ACSM3: variants seen among roughly 807,000 people sequenced by gnomAD.
ACSM3 encodes the protein acyl-coenzyme A synthetase ACSM3, mitochondrial.
In ACSM3, 61 loss-of-function variants were observed where a neutral mutation model predicts 74.1. The ratio of observed to expected loss-of-function variants is 0.82; its 90% CI spans 0.67 to 1.02. The LOEUF (loss-of-function observed/expected upper bound fraction) is 1.02, where lower values mean the gene tolerates loss of function less well. Among genes scored for constraint, ACSM3 ranks in the 50% least tolerant of loss-of-function variants. ACSM3 has a pLI of 0.00. For missense variants in ACSM3, 660 were observed against 697.0 expected (o/e 0.95, Z 0.60); for synonymous variants, 213 against 241.5 (o/e 0.88, Z 1.09).
At chr16:20,738,356 T>C (rs2079889382) in intron 1 of ACSM3, 2 of 394,420 alleles carry the variant, frequency 5.1e-6, no homozygotes, top group Non-Finnish European at 9.9e-6. Context: ...AAAGATGTAA[T>C]TAATCCATTA....
intron 1 of ACSM3, among the ~76,000 whole-genome samples, chr16:20,747,194 C>A (rs2079961480): frequency 6.6e-6 from 1 of 152,150 alleles, no homozygotes; most frequent in Non-Finnish European, 1.5e-5. Flanking sequence ...GGATGGGTTC[C>A]AGAGCCTCTC....
At chr16:20,735,996 T>C (rs2079865712) in intron 1 of ACSM3, 1 of 152,226 alleles carries the variant, frequency 6.6e-6, no homozygotes, top group South Asian at 2.1e-4. Context: ...AAAGGTGATT[T>C]CTGAACAAAA....
intron 1 of ACSM3, chr16:20,737,949 C>T: frequency 6.3e-7 from 1 of 1,583,876 alleles, no homozygotes; most frequent in Non-Finnish European, 8.6e-7. Context: ...GCACCAATTT[C>T]TCAGGCTCTT....
chr16:20,694,963 G>A (rs973800459), intron 1 of ACSM3, among the ~76,000 whole-genome samples: 7 of 152,154 alleles, frequency 4.6e-5, no homozygotes, highest in Non-Finnish European at 7.3e-5. Context: ...TGGACCTCCA[G>A]CCTTCAGAAC....
chr16:20,736,870 A>C (rs2079873981), intron 1 of ACSM3: 8 of 1,611,664 alleles, frequency 5.0e-6, no homozygotes, highest in Non-Finnish European at 6.8e-6. Flanking sequence ...CTCCAACACC[A>C]AATGACTTCC....
intron 1 of ACSM3, among the ~76,000 whole-genome samples, chr16:20,709,660 T>C (rs1218873721): frequency 6.6e-6 from 1 of 152,250 alleles, no homozygotes; most frequent in Non-Finnish European, 1.5e-5. Flanking sequence ...TAAGGTATTT[T>C]CTTAACCCAC....
chr16:20,792,170 G>T, intron 11 of ACSM3, 41 bp downstream of exon 11: 1 of 1,613,980 alleles, frequency 6.2e-7, no homozygotes, highest in South Asian at 1.1e-5. Context: ...TGTGTTAACT[G>T]ATCATCAGTG....
chr16:20,778,527 C>A (rs190992153), intron 4 of ACSM3, among the ~76,000 whole-genome samples: 1 of 152,186 alleles, frequency 6.6e-6, no homozygotes, highest in East Asian at 1.9e-4. Context: ...AGATATATTA[C>A]CTCATTTAAA....
intron 1 of ACSM3, chr16:20,737,691 C>A: frequency 6.3e-7 from 1 of 1,588,046 alleles, no homozygotes; most frequent in Non-Finnish European, 8.6e-7. Flanking sequence ...TATGGAAAAT[C>A]ACTAAGAGAA....
In ACSM3 at chr16:20,719,770, C is replaced by T. The variant is rs71374830; in HGVS notation, c.-189-30140C>T. ...GATAAACCATGACTCTTGTGCAGAGCAGAGATTAAAAGTGCGGGCACCTTT... is the reference window on the plus strand; with the variant it reads ...GATAAACCATGACTCTTGTGCAGAGTAGAGATTAAAAGTGCGGGCACCTTT... On this transcript the variant is annotated intron_variant, in intron 1 of 3. Transcript: ENST00000561584. Among the ~76,000 whole-genome samples, 904 of 152,294 alleles carry T rather than the reference C, an allele frequency of 5.9e-3. 7 individuals are homozygous for T. Among genetic ancestry groups the T allele is most frequent in the Non-Finnish European group, 9.5e-3 (644 of 68,032 alleles).
intron 1 of ACSM3, chr16:20,731,783 A>G: frequency 3.4e-6 from 1 of 296,134 alleles, no homozygotes; most frequent in Non-Finnish European, 6.1e-6. Flanking sequence ...TTACCAAACT[A>G]AGACCTAAGC....
At chr16:20,694,426 A>C (rs1384949791) in intron 1 of ACSM3, among the ~76,000 whole-genome samples, 1 of 152,222 alleles carries the variant, frequency 6.6e-6, no homozygotes, top group East Asian at 1.9e-4. Context: ...CAAACATTTC[A>C]AACAATATTG....
At chr16:20,717,977 AGAAGAAGAAGAAG>A (rs2079770059) in intron 1 of ACSM3, among the ~76,000 whole-genome samples, 2 of 121,474 alleles carry the variant, frequency 1.6e-5, no homozygotes, top group Non-Finnish European at 3.6e-5. Context: ...AAGAAGAAGA[AGAAGAAGAAGAAG>A]AAGAAGAAGA....
chr16:20,697,079 C>T (rs886494160), intron 1 of ACSM3, among the ~76,000 whole-genome samples: 4 of 152,252 alleles, frequency 2.6e-5, no homozygotes, highest in African/African-American at 9.6e-5. Flanking sequence ...ACCCCCTCCC[C>T]ATTAGATGTT....
chr16:20,726,029 C>T (rs1001105065), intron 1 of ACSM3, among the ~76,000 whole-genome samples: 7 of 151,994 alleles, frequency 4.6e-5, no homozygotes, highest in African/African-American at 1.7e-4. Context: ...CAAAATTGTC[C>T]CCTAGTCTAC....
chr16:20,705,665 T>C (rs117470373), intron 1 of ACSM3, among the ~76,000 whole-genome samples: 1,810 of 152,114 alleles, frequency 0.012, 19 homozygotes, highest in Non-Finnish European at 0.019. Context: ...CTACAGTATA[T>C]TAACGACAAT....
chr16:20,787,224 T>C (rs1220167535), intron 9 of ACSM3, among the ~76,000 whole-genome samples: 3 of 152,166 alleles, frequency 2.0e-5, no homozygotes, highest in African/African-American at 7.2e-5. Context: ...ACATCCTAAG[T>C]CACAAATGCA....
intron 1 of ACSM3, chr16:20,741,451 C>T (rs2079920767): frequency 6.8e-6 from 10 of 1,473,434 alleles, no homozygotes; most frequent in South Asian, 1.4e-5. Context: ...TCCCTCCACC[C>T]TTCCCTCCTC....
At position 20,769,891 on chromosome 16, in the gene ACSM3, G is replaced by C. The variant is rs2080170216; in HGVS notation, c.-51-93G>C. On this transcript the variant is annotated intron_variant, in intron 1 of 13. Transcript: ENST00000289416. ...ACGCAGCAAATGGTACTATCATGAT[G>C]ATTATCAATACTAATAACAAAACTT... The C allele has an allele frequency of 3.1e-5, 21 of 686,482 alleles. No homozygotes were observed. In the East Asian group the frequency reaches 5.3e-4, roughly 17 times the overall value. 42.5% of individuals were successfully genotyped at this position (686,482 alleles called of 1,614,324 possible). A position where few individuals can be genotyped will look rare whatever the true frequency, so the allele number is the denominator to read the frequency against.
Sources: allele counts gnomAD v4.1 joint callset (sites outside exome capture counted in the v4.1 genomes callset), GRCh38; gene constraint gnomAD v4.1.1; transcripts MANE v1.5; gene names NCBI Gene and HGNC (gene_info 2026-07-23, HGNC 2026-07-21).